HLF: variants seen among roughly 807,000 people sequenced by gnomAD.
HLF encodes hepatic leukemia factor.
Under a neutral mutation model 22.6 loss-of-function variants are expected in HLF, and 3 were observed. The observed-to-expected ratio is 0.13, with a 90% confidence interval of 0.06 to 0.34. The LOEUF is 0.34. HLF is among the 10% of genes least tolerant of loss of function. The pLI is 1.00. For synonymous variants in HLF, 151 were observed against 151.8 expected, an observed-to-expected ratio of 0.99 and a Z score of 0.04; for missense variants, 299 against 389.2, an observed-to-expected ratio of 0.77 and a Z score of 1.95.
At chr17:55,309,959 G>T (rs924065499) in intron 2 of HLF, among the ~76,000 whole-genome samples, 6 of 152,246 alleles carry the variant, frequency 3.9e-5, no homozygotes, top group African/African-American at 1.4e-4. Context: ...CCCCTTCATT[G>T]ATGGCTGCTT....
chr17:55,278,909 A>C (rs1376127834), intron 2 of HLF, among the ~76,000 whole-genome samples: 1 of 152,256 alleles, frequency 6.6e-6, no homozygotes, highest in Non-Finnish European at 1.5e-5. Flanking sequence ...TGAAAGATTT[A>C]TAGAGGAAAG....
chr17:55,316,717 G>A (rs997661343), intron 3 of HLF, among the ~76,000 whole-genome samples: 2 of 152,212 alleles, frequency 1.3e-5, no homozygotes, highest in Non-Finnish European at 2.9e-5. Context: ...ACAGCAGCAT[G>A]TTGGCCCTGA....
At chr17:55,313,315 A>G (rs1318560860) in intron 2 of HLF, among the ~76,000 whole-genome samples, 3 of 151,996 alleles carry the variant, frequency 2.0e-5, no homozygotes, top group African/African-American at 7.3e-5. Context: ...ATAAATGAAT[A>G]AAACATAAAA....
chr17:55,276,700 G>T (rs1220174267), intron 2 of HLF, among the ~76,000 whole-genome samples: 2 of 152,198 alleles, frequency 1.3e-5, no homozygotes, highest in Non-Finnish European at 2.9e-5. Context: ...AGTCAGAGAG[G>T]TTGGTGCCAG....
chr17:55,271,161 C>T (rs1184840630), intron 2 of HLF, among the ~76,000 whole-genome samples: 27 of 152,138 alleles, frequency 1.8e-4, no homozygotes, highest in Admixed American at 1.8e-3. Flanking sequence ...ACTTTAGGAC[C>T]CTGTCACACG....
At chr17:55,318,176 G>A (rs886991569) in intron 3 of HLF, among the ~76,000 whole-genome samples, 43 of 152,128 alleles carry the variant, frequency 2.8e-4, no homozygotes, top group Admixed American at 2.8e-3. Flanking sequence ...GGGAAAGGGG[G>A]CAGAGGATGG....
chr17:55,281,007 G>A (rs1309313747), intron 2 of HLF, among the ~76,000 whole-genome samples: 1 of 152,222 alleles, frequency 6.6e-6, no homozygotes, highest in East Asian at 1.9e-4. Flanking sequence ...GATTACAGCT[G>A]TGGGGTTCTT....
At chr17:55,289,822 A>T (rs1340356568) in intron 2 of HLF, among the ~76,000 whole-genome samples, 2 of 152,164 alleles carry the variant, frequency 1.3e-5, no homozygotes, top group Non-Finnish European at 2.9e-5. Context: ...CCTGATTGAG[A>T]TAATTCCAAG....
chr17:55,277,261 G>C (rs140745757), intron 2 of HLF, among the ~76,000 whole-genome samples: 4,530 of 144,574 alleles, frequency 0.031, 241 homozygotes, highest in African/African-American at 0.11. Context: ...GTGTGTGTGT[G>C]TGTGTGTGTG....
In HLF at chr17:55,322,693, G is replaced by A; in HGVS notation, c.*1814G>A. ...AATGGATTTTAGTCAAATATTTATT[G>A]GATGATACAGTGTTTTTTAGGAAAA... On this transcript the variant is annotated 3_prime_UTR_variant, in exon 4 of 4. Coordinates refer to ENST00000226067, the MANE Select transcript of HLF (RefSeq NM_002126.5). 4.6e-6 allele frequency: 1 copy of A among 219,240 alleles called. No individual in the cohort carries two copies. Among genetic ancestry groups the A allele is most frequent in the East Asian group, 6.7e-5 (1 of 14,854 alleles). The allele number at this position is 219,240 out of a possible 1,614,324, so 13.6% of individuals were successfully genotyped here.
At chr17:55,267,700 G>A in intron 1 of HLF, 51 bp from the exon 2 acceptor site, 1 of 1,327,206 alleles carries the variant, frequency 7.5e-7, no homozygotes, top group South Asian at 1.4e-5. Flanking sequence ...GAGCGGTATT[G>A]TTTTTCTTTT....
Position 55,265,329 on chromosome 17 carries a change from A to G in HLF, c.-156A>G, listed in dbSNP as rs559824606. 4 of 584,606 alleles carry G rather than the reference A, an allele frequency of 6.8e-6. No individual in the cohort carries two copies. The highest frequency in any genetic ancestry group is 1.2e-5 in the Non-Finnish European group (4 of 332,442). The allele number at this position is 584,606 out of a possible 1,614,324, so 36.2% of individuals were successfully genotyped here. On this transcript the variant is annotated 5_prime_UTR_variant, in exon 1 of 4. Transcript: ENST00000226067. ...TATATATTTTTATGCAGATGTATTT[A>G]TAAAGATATAAGTAATTTTTTTCTT...
intron 2 of HLF, among the ~76,000 whole-genome samples, chr17:55,295,620 G>A (rs745911817): frequency 6.6e-6 from 1 of 152,218 alleles, no homozygotes; most frequent in East Asian, 1.9e-4. Flanking sequence ...AGTTGCTGTG[G>A]CAACACACCC....
chr17:55,285,852 A>G (rs567851268), intron 2 of HLF, among the ~76,000 whole-genome samples: 1 of 152,300 alleles, frequency 6.6e-6, no homozygotes, highest in African/African-American at 2.4e-5. Context: ...ATGAGTGTCG[A>G]GAGATAGGAC....
Position 55,324,812 on chromosome 17 carries a change from T to TGC in HLF, c.*3934_*3935dup, listed in dbSNP as rs1247908593. On this transcript the variant is annotated 3_prime_UTR_variant, in exon 4 of 4. Coordinates refer to ENST00000226067, the MANE Select transcript of HLF (RefSeq NM_002126.5). Reference sequence around the variant, plus strand: ...AAGAGTGTGTGTGTGTGTGTGTGCGTGCATGTGTGTGTGTGTGTATGTGTG... The same window carrying TGC: ...AAGAGTGTGTGTGTGTGTGTGTGCGTGCGCATGTGTGTGTGTGTGTATGTGTG... 4.4e-6 allele frequency: 1 copy of TGC among 229,706 alleles called. No individual in the cohort carries two copies. The highest frequency in any genetic ancestry group is 8.6e-6 in the Non-Finnish European group (1 of 116,016). The allele number at this position is 229,706 out of a possible 1,614,324, so 14.2% of individuals were successfully genotyped here. A position where few individuals can be genotyped will look rare whatever the true frequency, so the allele number is the denominator to read the frequency against.
At position 55,324,486 on chromosome 17, in the gene HLF, T is replaced by C. The variant is rs1905381586; in HGVS notation, c.*3607T>C. 1 of 231,706 alleles carries C rather than the reference T, an allele frequency of 4.3e-6. No individual in the cohort carries two copies. The highest frequency in any genetic ancestry group is 5.6e-5 in the Admixed American group (1 of 17,738). 14.4% of individuals were successfully genotyped at this position (231,706 alleles called of 1,614,324 possible). On this transcript the variant is annotated 3_prime_UTR_variant, in exon 4 of 4. Coordinates refer to ENST00000226067, the MANE Select transcript of HLF (RefSeq NM_002126.5). ...TATTCTTCCTTTAAGGAAAACTCAA[T>C]CTTTATCACAGTCAATTAGAGCGAT...
At chr17:55,279,402 G>A (rs1311071880) in intron 2 of HLF, among the ~76,000 whole-genome samples, 1 of 151,994 alleles carries the variant, frequency 6.6e-6, no homozygotes, top group Non-Finnish European at 1.5e-5. Context: ...TCTTGAATTG[G>A]TTAAACTAAA....
intron 2 of HLF, chr17:55,273,189 T>C (rs1422436807): frequency 1.3e-5 from 2 of 152,188 alleles, no homozygotes; most frequent in Non-Finnish European, 1.5e-5. Context: ...TGGCTTGCCG[T>C]GTAACTTTGT....
chr17:55,296,448 A>G (rs1169930534), intron 2 of HLF, among the ~76,000 whole-genome samples: 1 of 152,210 alleles, frequency 6.6e-6, no homozygotes, highest in Non-Finnish European at 1.5e-5. Context: ...ATAAGCATTT[A>G]TATACATATA....
Sources: gnomAD v4.1 joint callset for allele counts (sites outside exome capture counted in the v4.1 genomes callset) on GRCh38, gnomAD v4.1.1 for gene constraint, MANE v1.5 for transcripts, NCBI Gene and HGNC (gene_info 2026-07-23, HGNC 2026-07-21) for gene names.